The following CACNA2D3 variants were observed in gnomAD, a reference collection of about 807,000 sequenced individuals.
CACNA2D3 encodes the protein calcium voltage-gated channel auxiliary subunit alpha2delta 3, also known as voltage-dependent calcium channel subunit alpha-2/delta-3.
Under a neutral mutation model 160.6 loss-of-function variants are expected in CACNA2D3, and 60 were observed. The ratio of observed to expected loss-of-function variants is 0.37; its 90% CI spans 0.30 to 0.46. The LOEUF is 0.46. CACNA2D3 is among the 20% of genes least tolerant of loss of function. CACNA2D3 has a pLI of 1.00. For synonymous variants in CACNA2D3, 558 were observed against 492.9 expected (o/e 1.13, Z -1.75); for missense variants, 1,205 against 1,365.0 (o/e 0.88, Z 1.85).
chr3:54,618,490 A>G (rs529138820), intron 9 of CACNA2D3, among the ~76,000 whole-genome samples: 4 of 152,002 alleles, frequency 2.6e-5, no homozygotes, highest in East Asian at 1.9e-4. Context: ...TTTAATACCC[A>G]TATGTAATTA....
intron 27 of CACNA2D3, among the ~76,000 whole-genome samples, chr3:54,965,113 C>A (rs978522797): frequency 2.6e-5 from 4 of 152,190 alleles, no homozygotes; most frequent in Admixed American, 1.3e-4. Flanking sequence ...CATGCAATCT[C>A]AGTTAAAACT....
At chr3:54,850,115 C>G (rs1343415601) in intron 17 of CACNA2D3, among the ~76,000 whole-genome samples, 7 of 152,198 alleles carry the variant, frequency 4.6e-5, no homozygotes, top group South Asian at 2.1e-4. Flanking sequence ...TAGTCCTCCT[C>G]TAAGGGCTTC....
chr3:54,948,541 A>AT (rs1224503134), intron 27 of CACNA2D3, among the ~76,000 whole-genome samples: 1 of 152,240 alleles, frequency 6.6e-6, no homozygotes, highest in East Asian at 1.9e-4. Context: ...GCACCTCTGC[A>AT]TGATCAGCTA....
At chr3:54,773,388 G>A (rs1000963150) in intron 13 of CACNA2D3, among the ~76,000 whole-genome samples, 10 of 152,156 alleles carry the variant, frequency 6.6e-5, no homozygotes, top group Non-Finnish European at 1.0e-4. Flanking sequence ...AGTTCCAATC[G>A]TCAAAACAAA....
intron 11 of CACNA2D3, among the ~76,000 whole-genome samples, chr3:54,661,014 C>T (rs959327069): frequency 1.3e-5 from 2 of 152,172 alleles, no homozygotes; most frequent in African/African-American, 4.8e-5. Context: ...ATCCTGCTGC[C>T]TGCCGCTTGC....
intron 17 of CACNA2D3, among the ~76,000 whole-genome samples, chr3:54,871,221 A>ACCC (rs113544503): frequency 1.4e-5 from 2 of 140,808 alleles, no homozygotes; most frequent in East Asian, 2.0e-4. Flanking sequence ...ACACACACAC[A>ACCC]CACCCCCCAT....
chr3:54,233,672 A>T (rs926867434), intron 2 of CACNA2D3, among the ~76,000 whole-genome samples: 7 of 152,212 alleles, frequency 4.6e-5, no homozygotes, highest in African/African-American at 1.7e-4. Flanking sequence ...GAAATGAGCA[A>T]TCTGAACTTC....
intron 4 of CACNA2D3, among the ~76,000 whole-genome samples, chr3:54,498,313 T>C (rs1474759555): frequency 6.6e-6 from 1 of 151,968 alleles, no homozygotes; most frequent in Admixed American, 6.5e-5. Context: ...TCCATTTTGA[T>C]AATTTCTGTT....
At chr3:54,572,667 A>G (rs995336944) in intron 8 of CACNA2D3, among the ~76,000 whole-genome samples, 2 of 152,198 alleles carry the variant, frequency 1.3e-5, no homozygotes, top group Non-Finnish European at 2.9e-5. Context: ...TTGGAAGAAG[A>G]CTTTCAGATA....
At chr3:54,479,519 C>T (rs938556929) in intron 4 of CACNA2D3, among the ~76,000 whole-genome samples, 5 of 152,146 alleles carry the variant, frequency 3.3e-5, no homozygotes, top group African/African-American at 1.2e-4. Context: ...CTGCTTCCTG[C>T]TTGTGTTGCC....
At chr3:54,777,398 G>T (rs749342270) in intron 13 of CACNA2D3, among the ~76,000 whole-genome samples, 2 of 152,064 alleles carry the variant, frequency 1.3e-5, no homozygotes, top group Non-Finnish European at 2.9e-5. Context: ...CTTATTAGAC[G>T]TACAGAGCAG....
intron 9 of CACNA2D3, among the ~76,000 whole-genome samples, chr3:54,612,895 G>A (rs1453911177): frequency 1.3e-5 from 2 of 152,206 alleles, no homozygotes; most frequent in African/African-American, 2.4e-5. Flanking sequence ...CTACATTGCT[G>A]GGATAAGCAG....
intron 2 of CACNA2D3, among the ~76,000 whole-genome samples, chr3:54,176,356 T>G (rs1401259994): frequency 6.6e-6 from 1 of 152,258 alleles, no homozygotes. Flanking sequence ...CATGAATGCC[T>G]TGACTCATTC....
At chr3:54,423,455 C>T (rs1016696047) in intron 4 of CACNA2D3, among the ~76,000 whole-genome samples, 1 of 152,158 alleles carries the variant, frequency 6.6e-6, no homozygotes, top group Non-Finnish European at 1.5e-5. Context: ...CTCCTTTGCA[C>T]CCTCAGCCCC....
chr3:54,534,547 C>T (rs1156394225), intron 5 of CACNA2D3, among the ~76,000 whole-genome samples: 1 of 152,142 alleles, frequency 6.6e-6, no homozygotes, highest in East Asian at 1.9e-4. Flanking sequence ...TGGCCTCTCT[C>T]TCTTCATTCG....
intron 2 of CACNA2D3, among the ~76,000 whole-genome samples, chr3:54,171,302 G>A (rs1355570028): frequency 2.0e-5 from 3 of 151,796 alleles, no homozygotes; most frequent in Non-Finnish European, 4.4e-5. Context: ...CCAAATTCTC[G>A]AGTGCTATCG....
chr3:54,184,985 A>T (rs1700856064), intron 2 of CACNA2D3, among the ~76,000 whole-genome samples: 1 of 152,150 alleles, frequency 6.6e-6, no homozygotes, highest in Admixed American at 6.5e-5. Flanking sequence ...TTGTGTGACT[A>T]CCCCAAAGGT....
chr3:54,392,356 A>G (rs1053237302), intron 4 of CACNA2D3, among the ~76,000 whole-genome samples: 2 of 152,234 alleles, frequency 1.3e-5, no homozygotes, highest in Non-Finnish European at 2.9e-5. Context: ...TTATCTTTGA[A>G]CCACAAACAT....
chr3:54,607,923 C>G (rs1180380735), intron 9 of CACNA2D3, among the ~76,000 whole-genome samples: 1 of 152,156 alleles, frequency 6.6e-6, no homozygotes, highest in Admixed American at 6.5e-5. Flanking sequence ...AAGTTACATA[C>G]TGTATGATTC....
Sources: gnomAD v4.1 joint callset for allele counts (sites outside exome capture counted in the v4.1 genomes callset) on GRCh38, gnomAD v4.1.1 for gene constraint, MANE v1.5 for transcripts, NCBI Gene and HGNC (gene_info 2026-07-23, HGNC 2026-07-21) for gene names.